Variants in UGT2A1 observed in about 807,000 individuals in gnomAD.
The protein encoded by UGT2A1 is UDP glucuronosyltransferase family 2 member A1 complex locus.
UGT2A1 carries 61 observed loss-of-function variants against 45.4 expected under a neutral mutation model. The observed-to-expected ratio is 1.34, with a 90% CI of 1.09 to 1.66. The LOEUF (loss-of-function observed/expected upper bound fraction) is 1.66. UGT2A1 is among the 40% of genes most tolerant of loss of function. The pLI, the probability that UGT2A1 is intolerant of heterozygous loss-of-function variation, is 0.00. For missense variants in UGT2A1, 649 were observed against 574.3 expected, an observed-to-expected ratio of 1.13 and a Z score of -1.33; for synonymous variants, 229 against 196.2, an observed-to-expected ratio of 1.17 and a Z score of -1.40.
At chr4:69,594,055 A>G (rs1718758272) in intron 6 of UGT2A1, among the ~76,000 whole-genome samples, 2 of 145,222 alleles carry the variant, frequency 1.4e-5, no homozygotes. Flanking sequence ...GCTCACTGCA[A>G]CCTCCACCTC....
chr4:69,649,111 T>G (rs4148277), intron 1 of UGT2A1, among the ~76,000 whole-genome samples: 1 of 151,942 alleles, frequency 6.6e-6, no homozygotes, highest in Non-Finnish European at 1.5e-5. Flanking sequence ...ATCCTTTTCA[T>G]GTTAATAAAT....
chr4:69,642,802 A>G (rs1275758341), intron 2 of UGT2A1, among the ~76,000 whole-genome samples: 1 of 151,568 alleles, frequency 6.6e-6, no homozygotes, highest in Non-Finnish European at 1.5e-5. Flanking sequence ...ATATATAGAG[A>G]TTATTCACAA....
intron 3 of UGT2A1, among the ~76,000 whole-genome samples, chr4:69,608,506 C>A (rs957378903): frequency 6.6e-6 from 1 of 151,366 alleles, no homozygotes; most frequent in African/African-American, 2.4e-5. Context: ...ACCAACCTGG[C>A]ACATGTATGT....
At position 69,594,531 on chromosome 4, in the gene UGT2A1, G is replaced by T. The variant is rs755908340; in HGVS notation, c.1250C>A (p.Thr417Lys). The change falls in exon 6 of 7, where the codon ACA (threonine) becomes AAA (lysine). Residue 417 changes from threonine (T) to lysine (K), a missense_variant. Transcript: ENST00000286604. The stretch of plus-strand genomic sequence containing the variant: ...GCTAAGCAAATCCACACTTGTCATT[G>T]TGTTTAGGTTCACTTCCACAGCTGC... ...KGAAVEVNLN[T>K]MTSVDLLSAL... 2 of 1,614,172 alleles carry T rather than the reference G, an allele frequency of 1.2e-6. No individual in the cohort carries two copies. The highest frequency in any genetic ancestry group is 3.3e-5 in the Admixed American group (2 of 60,014).
intron 3 of UGT2A1, among the ~76,000 whole-genome samples, chr4:69,601,313 T>C (rs11946584): frequency 0.25 from 38,723 of 152,024 alleles, 5,436 homozygotes; most frequent in African/African-American, 0.37. Flanking sequence ...AGCCTCGTGT[T>C]CTTGCTCCTG....
chr4:69,609,361 A>G (rs1016828977), intron 3 of UGT2A1, among the ~76,000 whole-genome samples: 5 of 151,228 alleles, frequency 3.3e-5, no homozygotes, highest in African/African-American at 1.2e-4. Context: ...TTCAGTTTTA[A>G]TTTTTTGTTT....
At position 69,594,731 on chromosome 4, in the gene UGT2A1, A is replaced by G. The variant is rs1235982841; in HGVS notation, c.1085-35T>C. The stretch of plus-strand genomic sequence containing the variant: ...GGATGGAGTGAGAAGTGGGTGTGTA[A>G]TAATAACACATTAGCAGAATTTGAG... On this transcript the variant is annotated intron_variant, in intron 5 of 6. Coordinates refer to ENST00000286604, the MANE Select transcript of UGT2A1 (RefSeq NM_001252275.3). 3 of 1,589,458 alleles carry G rather than the reference A, an allele frequency of 1.9e-6. No individual in the cohort carries two copies. In the African/African-American group the frequency reaches 4.0e-5, roughly 21 times the overall value.
intron 2 of UGT2A1, among the ~76,000 whole-genome samples, chr4:69,645,678 C>A (rs1315616081): frequency 6.6e-6 from 1 of 151,732 alleles, no homozygotes; most frequent in Non-Finnish European, 1.5e-5. Flanking sequence ...AAATGAAAAT[C>A]AGGTCATAAT....
Position 69,626,278 on chromosome 4 carries a change from A to G in UGT2A1, c.847+9413T>C, listed in dbSNP as rs552572447. ...ATTCTAACATTTTATTTCGGAGTAA[A>G]TTTTATTCCACCAAAGAGGCCATAC... is the stretch of plus-strand genomic sequence containing the variant. On this transcript the variant is annotated intron_variant, in intron 3 of 6. Coordinates refer to ENST00000286604, the MANE Select transcript of UGT2A1 (RefSeq NM_001252275.3). Among the ~76,000 whole-genome samples the G allele has an allele frequency of 1.2e-3, 184 of 151,064 alleles. 1 individual carries two copies. The highest frequency in any genetic ancestry group is 2.3e-3 in the Non-Finnish European group (155 of 67,496).
Position 69,605,912 on chromosome 4 carries a change from G to C in UGT2A1, c.848-6518C>G, listed in dbSNP as rs1162300320. Among the ~76,000 whole-genome samples, 2 of 136,812 alleles carry C rather than the reference G, an allele frequency of 1.5e-5. 1 individual carries two copies. The highest frequency in any genetic ancestry group is 5.9e-5 in the African/African-American group (2 of 33,760). 89.8% of individuals were successfully genotyped at this position (136,812 alleles called of 152,430 possible). On this transcript the variant is annotated intron_variant, in intron 3 of 6. Coordinates refer to ENST00000286604, the MANE Select transcript of UGT2A1 (RefSeq NM_001252275.3). ...TCTGAATAGACCAATAACAGGCTCTGAAATTGAGGCAATAATTAATAGCTT... is the reference window on the plus strand; with the variant it reads ...TCTGAATAGACCAATAACAGGCTCTCAAATTGAGGCAATAATTAATAGCTT...
At position 69,633,619 on chromosome 4, in the gene UGT2A1, T is replaced by A. The variant is rs1721509063; in HGVS notation, c.847+2072A>T. The stretch of plus-strand genomic sequence containing the variant: ...AATAGACTCCATATAGCTATAAGAA[T>A]GAGCACAGCATATCTACATGCAACA... On this transcript the variant is annotated intron_variant, in intron 3 of 6. Transcript: ENST00000286604. 2.0e-5 allele frequency among the ~76,000 whole-genome samples: 3 copies of A among 152,166 alleles called. No individual in the cohort carries two copies. In the South Asian group the frequency reaches 6.2e-4, roughly 32 times the overall value.
At chr4:69,627,231 T>A (rs1033731729) in intron 3 of UGT2A1, among the ~76,000 whole-genome samples, 38 of 151,816 alleles carry the variant, frequency 2.5e-4, no homozygotes, top group African/African-American at 8.7e-4. Context: ...TAAGTCTTAA[T>A]AAATATGTGA....
intron 3 of UGT2A1, among the ~76,000 whole-genome samples, chr4:69,619,140 A>G (rs1342598171): frequency 2.6e-5 from 4 of 151,868 alleles, no homozygotes; most frequent in African/African-American, 4.8e-5. Flanking sequence ...CTTCATGCCT[A>G]CAATCCCAGT....
At chr4:69,615,015 A>G (rs1206096598) in intron 3 of UGT2A1, among the ~76,000 whole-genome samples, 1 of 151,958 alleles carries the variant, frequency 6.6e-6, no homozygotes, top group Admixed American at 6.6e-5. Context: ...TTAAACAGCT[A>G]TATCTCATGA....
chr4:69,627,488 G>A (rs1393412324), intron 3 of UGT2A1, among the ~76,000 whole-genome samples: 7 of 147,412 alleles, frequency 4.7e-5, no homozygotes, highest in Non-Finnish European at 4.5e-5. Context: ...AGGCAGGCAG[G>A]CATGCAGGAA....
At chr4:69,615,851 TA>T (rs1720349223) in intron 3 of UGT2A1, among the ~76,000 whole-genome samples, 1 of 148,434 alleles carries the variant, frequency 6.7e-6, no homozygotes, top group Admixed American at 7.1e-5. Flanking sequence ...AGAGTGTGGA[TA>T]TTTCTCAAAA....
At chr4:69,625,057 T>G (rs1456062276) in intron 3 of UGT2A1, among the ~76,000 whole-genome samples, 1 of 151,300 alleles carries the variant, frequency 6.6e-6, no homozygotes, top group African/African-American at 2.4e-5. Context: ...TTAAATTTGC[T>G]GGGAATATAT....
chr4:69,638,917 A>G (rs902176881), intron 2 of UGT2A1: 17 of 1,599,758 alleles, frequency 1.1e-5, no homozygotes, highest in Non-Finnish European at 1.4e-5. Flanking sequence ...TTGCTATAGT[A>G]TGAATTCCAT....
chr4:69,641,185 AATG>A (rs1722031979), intron 2 of UGT2A1, among the ~76,000 whole-genome samples: 1 of 151,960 alleles, frequency 6.6e-6, no homozygotes, highest in African/African-American at 2.4e-5. Flanking sequence ...TAAGGGAAAA[AATG>A]ATGATATTAG....
Sources: gnomAD v4.1 joint callset for allele counts (sites outside exome capture counted in the v4.1 genomes callset) on GRCh38, gnomAD v4.1.1 for gene constraint, MANE v1.5 for transcripts, NCBI Gene and HGNC (gene_info 2026-07-23, HGNC 2026-07-21) for gene names.